ARHGAP15: variants seen among roughly 807,000 people sequenced by gnomAD.
ARHGAP15 encodes rho GTPase-activating protein 15.
Under a neutral mutation model 63.7 loss-of-function variants are expected in ARHGAP15, and 51 were observed. The observed-to-expected ratio is 0.80, with a 90% confidence interval of 0.64 to 1.01. The LOEUF is 1.01. ARHGAP15 is among the 50% of genes least tolerant of loss of function. The pLI, the probability that ARHGAP15 is intolerant of heterozygous loss-of-function variation, is 0.00. For synonymous variants in ARHGAP15, 191 were observed against 193.8 expected (o/e 0.99, Z 0.12); for missense variants, 560 against 564.6 (o/e 0.99, Z 0.08).
intron 6 of ARHGAP15, among the ~76,000 whole-genome samples, chr2:143,338,820 T>C (rs752371284): frequency 6.6e-6 from 1 of 152,146 alleles, no homozygotes; most frequent in East Asian, 1.9e-4. Context: ...TTCAGTTCCT[T>C]GATAGGTTGC....
At chr2:143,701,253 C>T (rs1338817956) in intron 12 of ARHGAP15, among the ~76,000 whole-genome samples, 9 of 152,218 alleles carry the variant, frequency 5.9e-5, no homozygotes, top group East Asian at 3.9e-4. Flanking sequence ...AATTCTTTTG[C>T]GACAACATAT....
intron 6 of ARHGAP15, among the ~76,000 whole-genome samples, chr2:143,370,678 C>G (rs1448066289): frequency 6.6e-6 from 1 of 152,086 alleles, no homozygotes; most frequent in Non-Finnish European, 1.5e-5. Context: ...AGTTAGAATT[C>G]TTAACTCTGA....
At chr2:143,222,751 G>GT (rs1028891947) in intron 4 of ARHGAP15, among the ~76,000 whole-genome samples, 16 of 151,796 alleles carry the variant, frequency 1.1e-4, no homozygotes, top group South Asian at 6.3e-4. Context: ...TTGTCTGCTA[G>GT]TTTTTTTTGC....
chr2:143,192,795 C>T (rs1364908441), intron 2 of ARHGAP15, among the ~76,000 whole-genome samples: 1 of 152,144 alleles, frequency 6.6e-6, no homozygotes, highest in Admixed American at 6.5e-5. Flanking sequence ...ATTTATTTCC[C>T]TTGCTGTTGT....
At chr2:143,253,677 AGTAT>A (rs748298761) in intron 6 of ARHGAP15, among the ~76,000 whole-genome samples, 2 of 150,692 alleles carry the variant, frequency 1.3e-5, no homozygotes, top group South Asian at 2.1e-4. Context: ...TCTATAATAA[AGTAT>A]GTATTAGATG....
chr2:143,314,645 T>C (rs1683612914), intron 6 of ARHGAP15: 1 of 152,176 alleles, frequency 6.6e-6, no homozygotes, highest in African/African-American at 2.4e-5. Context: ...TATACATCTC[T>C]TAAGTTTTTC....
In ARHGAP15 at chr2:143,250,527, CA is replaced by C. The variant is rs1558841750; in HGVS notation, c.402del (p.Glu135LysfsTer82). The stretch of plus-strand genomic sequence containing the variant: ...TGATTACAGAAAACTGGGCACAAAC[CA>C]GAAAGTGTGGATTTGTGTGGAGCAC... The part of the protein sequence containing the change: ...ALSNMKTGHK[P>X]ESVDLCGAHI... On this transcript the variant is annotated frameshift_variant, in exon 6 of 14. Coordinates refer to ENST00000295095, the MANE Select transcript of ARHGAP15 (RefSeq NM_018460.4). LOFTEE classifies it high-confidence loss of function. The C allele has an allele frequency of 1.2e-6, 2 of 1,613,216 alleles. No homozygotes were observed. The highest frequency in any genetic ancestry group is 1.7e-6 in the Non-Finnish European group (2 of 1,179,414).
chr2:143,424,158 A>G (rs1360442023), intron 6 of ARHGAP15, among the ~76,000 whole-genome samples: 2 of 152,054 alleles, frequency 1.3e-5, no homozygotes, highest in African/African-American at 4.8e-5. Flanking sequence ...CCCTATCTCC[A>G]GGGTCTGATT....
intron 1 of ARHGAP15, among the ~76,000 whole-genome samples, chr2:143,139,159 T>A (rs796083869): frequency 4.6e-5 from 7 of 152,252 alleles, no homozygotes; most frequent in African/African-American, 1.7e-4. Flanking sequence ...TGATATCCCA[T>A]CAGCAGGTTA....
At chr2:143,764,655 A>G (rs1686886943) in intron 13 of ARHGAP15, among the ~76,000 whole-genome samples, 1 of 152,032 alleles carries the variant, frequency 6.6e-6, no homozygotes, top group African/African-American at 2.4e-5. Flanking sequence ...TTCCACTCCC[A>G]TAGCCTCAGA....
chr2:143,546,243 A>T (rs376587570), intron 10 of ARHGAP15, among the ~76,000 whole-genome samples: 1 of 151,566 alleles, frequency 6.6e-6, no homozygotes, highest in African/African-American at 2.4e-5. Context: ...TTTAGATGTT[A>T]AAAAAAATAC....
At chr2:143,187,688 G>A (rs62171673) in intron 2 of ARHGAP15, among the ~76,000 whole-genome samples, 25,573 of 152,048 alleles carry the variant, frequency 0.17, 2,337 homozygotes, top group Middle Eastern at 0.24. Flanking sequence ...GTAATTTTGC[G>A]AAAATTATTC....
chr2:143,503,964 G>A (rs548182023), intron 9 of ARHGAP15, among the ~76,000 whole-genome samples: 2 of 152,260 alleles, frequency 1.3e-5, no homozygotes, highest in African/African-American at 2.4e-5. Context: ...ATGCTCTAAG[G>A]GGTATTTAGG....
At chr2:143,269,381 A>G (rs1045713125) in intron 6 of ARHGAP15, among the ~76,000 whole-genome samples, 4 of 152,194 alleles carry the variant, frequency 2.6e-5, no homozygotes, top group Non-Finnish European at 5.9e-5. Context: ...CTTACAATCA[A>G]CTTGCTCTTC....
At chr2:143,427,905 A>C (rs958105542) in intron 6 of ARHGAP15, among the ~76,000 whole-genome samples, 22 of 152,172 alleles carry the variant, frequency 1.4e-4, no homozygotes, top group African/African-American at 5.1e-4. Flanking sequence ...ATATCAAACA[A>C]TGCAATATAA....
intron 13 of ARHGAP15, among the ~76,000 whole-genome samples, chr2:143,756,056 T>G (rs1441726848): frequency 6.6e-6 from 1 of 152,168 alleles, no homozygotes; most frequent in African/African-American, 2.4e-5. Flanking sequence ...CAACTGATTC[T>G]CCTTTGACTA....
intron 6 of ARHGAP15, among the ~76,000 whole-genome samples, chr2:143,412,027 T>C (rs557535939): frequency 2.0e-4 from 31 of 152,222 alleles, no homozygotes; most frequent in Non-Finnish European, 3.4e-4. Context: ...GATAGGCAAA[T>C]GGTCAGGTCA....
chr2:143,139,314 T>G (rs997074742), intron 1 of ARHGAP15, among the ~76,000 whole-genome samples: 1 of 152,126 alleles, frequency 6.6e-6, no homozygotes, highest in African/African-American at 2.4e-5. Context: ...TACCACTTAT[T>G]CCATACATCC....
intron 6 of ARHGAP15, among the ~76,000 whole-genome samples, chr2:143,320,288 C>A (rs1683946522): frequency 6.6e-6 from 1 of 151,940 alleles, no homozygotes; most frequent in Admixed American, 6.6e-5. Context: ...GGCTGCAGAG[C>A]TGATTGTGCA....
Sources: allele counts gnomAD v4.1 joint callset (sites outside exome capture counted in the v4.1 genomes callset), GRCh38; gene constraint gnomAD v4.1.1; transcripts MANE v1.5; gene names NCBI Gene and HGNC (gene_info 2026-07-23, HGNC 2026-07-21).